The following RNF150 variants were observed in gnomAD, a reference collection of about 807,000 sequenced individuals.
The protein encoded by RNF150 is ring finger protein 150.
Under a neutral mutation model 39.3 loss-of-function variants are expected in RNF150, and 24 were observed. That is an observed-to-expected ratio of 0.61 (90% confidence interval 0.44 to 0.86). RNF150 has a LOEUF of 0.86. Among genes scored for constraint, RNF150 ranks in the 40% least tolerant of loss-of-function variants. The pLI, the probability that RNF150 is intolerant of heterozygous loss-of-function variation, is 0.00. For synonymous variants in RNF150, 255 were observed against 227.3 expected, an observed-to-expected ratio of 1.12 and a Z score of -1.10; for missense variants, 502 against 587.8, an observed-to-expected ratio of 0.85 and a Z score of 1.51.
chr4:141,051,577 C>T (rs372726526), intron 1 of RNF150, among the ~76,000 whole-genome samples: 40 of 152,270 alleles, frequency 2.6e-4, no homozygotes, highest in African/African-American at 7.7e-4. Context: ...CTAGGGCAGG[C>T]GCAAAATGCT....
At chr4:140,983,055 T>C (rs927600643) in intron 1 of RNF150, among the ~76,000 whole-genome samples, 1 of 152,140 alleles carries the variant, frequency 6.6e-6, no homozygotes, top group African/African-American at 2.4e-5. Context: ...TTAATGCTAT[T>C]TCTTAAGTTT....
At chr4:140,963,040 C>T (rs940692483) in intron 2 of RNF150, among the ~76,000 whole-genome samples, 2 of 151,750 alleles carry the variant, frequency 1.3e-5, no homozygotes, top group Non-Finnish European at 2.9e-5. Context: ...TTAAAAATAC[C>T]TGAAAGGTAA....
intron 6 of RNF150, among the ~76,000 whole-genome samples, chr4:140,882,109 T>TC (rs1389569483): frequency 6.6e-6 from 1 of 151,844 alleles, no homozygotes; most frequent in African/African-American, 2.4e-5. Flanking sequence ...AAGCTCCACC[T>TC]CCCAGGTTCA....
At chr4:141,211,568 C>G (rs1356286524) in intron 1 of RNF150, among the ~76,000 whole-genome samples, 1 of 152,094 alleles carries the variant, frequency 6.6e-6, no homozygotes, top group Non-Finnish European at 1.5e-5. Flanking sequence ...TATGTTGAGT[C>G]TGCTTTAAAA....
At chr4:141,100,863 A>C (rs1031136585) in intron 1 of RNF150, among the ~76,000 whole-genome samples, 1 of 152,224 alleles carries the variant, frequency 6.6e-6, no homozygotes, top group African/African-American at 2.4e-5. Flanking sequence ...TACTGTGGGC[A>C]ACTGTAACAC....
intron 6 of RNF150, among the ~76,000 whole-genome samples, chr4:140,894,274 T>G (rs954362262): frequency 6.6e-6 from 1 of 152,354 alleles, no homozygotes; most frequent in Non-Finnish European, 1.5e-5. Context: ...CATCTTTTGG[T>G]AAAATAGCTG....
At chr4:141,098,400 C>T (rs1738882236) in intron 1 of RNF150, among the ~76,000 whole-genome samples, 1 of 152,250 alleles carries the variant, frequency 6.6e-6, no homozygotes, top group Non-Finnish European at 1.5e-5. Flanking sequence ...ACAGCCAAGA[C>T]TCCGTAATGC....
intron 1 of RNF150, among the ~76,000 whole-genome samples, chr4:141,038,882 G>A (rs981004032): frequency 3.3e-5 from 5 of 152,124 alleles, no homozygotes; most frequent in Non-Finnish European, 5.9e-5. Context: ...GGAAGAACAT[G>A]GCCCAGAGCA....
chr4:141,031,660 T>A (rs1370491450), intron 1 of RNF150, among the ~76,000 whole-genome samples: 1 of 152,038 alleles, frequency 6.6e-6, no homozygotes, highest in Non-Finnish European at 1.5e-5. Context: ...ATGCTCAACA[T>A]CACTAATAAT....
intron 1 of RNF150, among the ~76,000 whole-genome samples, chr4:140,974,952 G>C (rs1030032828): frequency 1.3e-5 from 2 of 152,070 alleles, no homozygotes; most frequent in Non-Finnish European, 2.9e-5. Flanking sequence ...AACCAAATGT[G>C]AATAAAAAAT....
In RNF150 at chr4:141,174,887, G is replaced by GAA. The variant is rs548297378; in HGVS notation, c.-6+37905_-6+37906dup. 1.0e-3 allele frequency among the ~76,000 whole-genome samples: 129 copies of GAA among 126,570 alleles called. 1 individual carries two copies. Among genetic ancestry groups the GAA allele is most frequent in the African/African-American group, 2.8e-3 (89 of 31,988 alleles). The allele number at this position is 126,570 out of a possible 152,430, so 83.0% of individuals were successfully genotyped here. On this transcript the variant is annotated intron_variant, in intron 1 of 7. Transcript: ENST00000420921. ...GTGGTTACCTGGAATCCTGTATCAG[G>GAA]AAAAAAAAAAAAAAAAAACCTCTGT...
chr4:141,070,217 T>C (rs1488968340), intron 1 of RNF150, among the ~76,000 whole-genome samples: 3 of 152,312 alleles, frequency 2.0e-5, no homozygotes, highest in Non-Finnish European at 2.9e-5. Context: ...TTACACCTTA[T>C]ACAAAAATCA....
At chr4:141,188,616 TC>T (rs1354309186) in intron 1 of RNF150, among the ~76,000 whole-genome samples, 1 of 152,192 alleles carries the variant, frequency 6.6e-6, no homozygotes, top group Admixed American at 6.5e-5. Flanking sequence ...ATCTCTGATA[TC>T]CTTTCTTCTG....
intron 6 of RNF150, among the ~76,000 whole-genome samples, chr4:140,876,821 A>G (rs1729173895): frequency 6.6e-6 from 1 of 152,218 alleles, no homozygotes; most frequent in South Asian, 2.1e-4. Flanking sequence ...ACATTTGGAA[A>G]CCCAGCAGGC....
At chr4:141,144,678 T>A (rs990949435) in intron 1 of RNF150, among the ~76,000 whole-genome samples, 1 of 152,186 alleles carries the variant, frequency 6.6e-6, no homozygotes, top group Admixed American at 6.5e-5. Context: ...TAATTATAAA[T>A]ATTCTTAATC....
intron 4 of RNF150, among the ~76,000 whole-genome samples, chr4:140,938,721 G>C (rs1344319849): frequency 1.3e-5 from 2 of 152,146 alleles, no homozygotes; most frequent in Non-Finnish European, 2.9e-5. Context: ...TGTTTAGAAA[G>C]CTTTACCAAT....
At chr4:141,056,393 T>G (rs1238000626) in intron 1 of RNF150, among the ~76,000 whole-genome samples, 1 of 152,078 alleles carries the variant, frequency 6.6e-6, no homozygotes, top group Non-Finnish European at 1.5e-5. Context: ...TAGTAGCTAT[T>G]TTTACAATTA....
intron 1 of RNF150, among the ~76,000 whole-genome samples, chr4:140,999,966 GAAGAAGAAGAA>G (rs1415058988): frequency 3.1e-5 from 1 of 31,918 alleles, no homozygotes; most frequent in Non-Finnish European, 9.1e-5. Context: ...AGAAGAAGAA[GAAGAAGAAGAA>G]AAGAAGAAAA....
chr4:141,093,379 G>T (rs4956507), intron 1 of RNF150, among the ~76,000 whole-genome samples: 1 of 97,726 alleles, frequency 1.0e-5, no homozygotes, highest in African/African-American at 5.4e-5. Context: ...AAAAAAAAAA[G>T]GGGGGGGAAA....
Sources: gnomAD v4.1 joint callset for allele counts (sites outside exome capture counted in the v4.1 genomes callset) on GRCh38, gnomAD v4.1.1 for gene constraint, MANE v1.5 for transcripts, NCBI Gene and HGNC (gene_info 2026-07-23, HGNC 2026-07-21) for gene names.